The following COLEC10 variants were observed in gnomAD, a reference collection of about 807,000 sequenced individuals.
The protein encoded by COLEC10 is collectin subfamily member 10.
A neutral mutation model predicts 28.4 loss-of-function variants in COLEC10; 22 were observed. That is an observed-to-expected ratio of 0.78 (90% CI 0.55 to 1.11). The LOEUF (loss-of-function observed/expected upper bound fraction) is 1.11, where lower values mean the gene tolerates loss of function less well. Among genes scored for constraint, COLEC10 ranks in the 50% least tolerant of loss-of-function variants. COLEC10 has a pLI of 0.00. For synonymous variants in COLEC10, 125 were observed against 116.1 expected (o/e 1.08, Z -0.49); for missense variants, 361 against 344.1 (o/e 1.05, Z -0.39).
At chr8:119,026,511 A>G (rs1010430312) in intron 2 of COLEC10, among the ~76,000 whole-genome samples, 1 of 152,182 alleles carries the variant, frequency 6.6e-6, no homozygotes, top group Non-Finnish European at 1.5e-5. Context: ...GAGGCTGCAG[A>G]GCAAGATCCT....
At chr8:119,070,613 CT>C (rs1159117027) in intron 1 of COLEC10, among the ~76,000 whole-genome samples, 1 of 144,308 alleles carries the variant, frequency 6.9e-6, no homozygotes, top group Non-Finnish European at 1.5e-5. Context: ...CTTTCTCTCT[CT>C]TTTTTTCTCC....
intron 1 of COLEC10, among the ~76,000 whole-genome samples, chr8:119,084,632 AC>A (rs753523693): frequency 2.0e-5 from 3 of 152,230 alleles, no homozygotes; most frequent in Non-Finnish European, 4.4e-5. Flanking sequence ...TCAAATGCCT[AC>A]AGCCCTTTAA....
At chr8:119,009,546 C>G (rs1177585302) in exon 2 of COLEC10, 1 of 150,922 alleles carries the variant, frequency 6.6e-6, no homozygotes, top group Admixed American at 6.6e-5. Context: ...TTCCCAGCCT[C>G]CAGAGCTGTA....
At chr8:119,071,756 C>G (rs1021571599) in intron 1 of COLEC10, among the ~76,000 whole-genome samples, 18 of 152,200 alleles carry the variant, frequency 1.2e-4, no homozygotes, top group Non-Finnish European at 2.6e-4. Flanking sequence ...CCTAGAAGAG[C>G]TCCCGACACA....
At chr8:119,084,617 C>T (rs982087974) in intron 1 of COLEC10, among the ~76,000 whole-genome samples, 2 of 152,212 alleles carry the variant, frequency 1.3e-5, no homozygotes, top group African/African-American at 4.8e-5. Flanking sequence ...ATCAAGGTGA[C>T]TTTTTCAAAT....
intron 1 of COLEC10, among the ~76,000 whole-genome samples, chr8:119,084,687 G>A (rs771588425): frequency 6.6e-6 from 1 of 152,152 alleles, no homozygotes; most frequent in Non-Finnish European, 1.5e-5. Flanking sequence ...ATAGGAGTTT[G>A]TTCTTACCCT....
chr8:119,007,032 C>G (rs1813811946), intron 1 of COLEC10, among the ~76,000 whole-genome samples: 2 of 152,078 alleles, frequency 1.3e-5, no homozygotes, highest in African/African-American at 4.8e-5. Context: ...CATTCTTCCT[C>G]TAGTTATACC....
chr8:119,097,763 A>G (rs1815749825), intron 3 of COLEC10, among the ~76,000 whole-genome samples: 2 of 152,112 alleles, frequency 1.3e-5, no homozygotes, highest in African/African-American at 4.8e-5. Context: ...GCTATGCTAA[A>G]TGTGATTAAG....
At chr8:119,072,715 G>C (rs1052339858) in intron 1 of COLEC10, among the ~76,000 whole-genome samples, 4 of 152,008 alleles carry the variant, frequency 2.6e-5, no homozygotes, top group African/African-American at 9.7e-5. Context: ...CTTGGTCCCT[G>C]TGGAACTCCA....
At chr8:119,064,308 G>A (rs1311508847), upstream of COLEC10, among the ~76,000 whole-genome samples, 3 of 152,042 alleles carry the variant, frequency 2.0e-5, no homozygotes, top group Non-Finnish European at 2.9e-5. Flanking sequence ...AAAAAGGAGG[G>A]GGGCAGAATA....
chr8:119,095,987 G>A (rs923823848), intron 3 of COLEC10, among the ~76,000 whole-genome samples: 1 of 152,116 alleles, frequency 6.6e-6, no homozygotes. Flanking sequence ...TTTATGCAAA[G>A]TTGACACTAT....
chr8:119,005,879 A>T (rs1259504175), intron 1 of COLEC10, among the ~76,000 whole-genome samples: 1 of 152,074 alleles, frequency 6.6e-6, no homozygotes, highest in Non-Finnish European at 1.5e-5. Context: ...GGGTAGCTCA[A>T]GCATTTTATT....
chr8:119,078,499 TAGAG>T (rs1815300690), intron 1 of COLEC10, among the ~76,000 whole-genome samples: 1 of 152,046 alleles, frequency 6.6e-6, no homozygotes. Flanking sequence ...TGGGGTGCAA[TAGAG>T]AGGTACTTCA....
chr8:119,025,577 T>C (rs10090576), intron 2 of COLEC10, among the ~76,000 whole-genome samples: 97,970 of 152,034 alleles, frequency 0.64, 32,599 homozygotes, highest in African/African-American at 0.81. Flanking sequence ...ATTTTCAGTG[T>C]GGACACCAGG....
At chr8:119,087,074 T>C (rs562629319) in intron 1 of COLEC10, among the ~76,000 whole-genome samples, 13 of 152,340 alleles carry the variant, frequency 8.5e-5, no homozygotes, top group South Asian at 4.1e-4. Flanking sequence ...GATCAAATGA[T>C]AGATTGTATG....
chr8:119,099,997 G>A (rs1053924435), intron 3 of COLEC10, among the ~76,000 whole-genome samples: 1 of 152,044 alleles, frequency 6.6e-6, no homozygotes, highest in Non-Finnish European at 1.5e-5. Context: ...TTCCATCTGT[G>A]TTGAATTAAA....
At chr8:118,952,871 G>A in the COLEC10 span, among the ~76,000 whole-genome samples, 2 of 152,214 alleles carry the variant, frequency 1.3e-5, no homozygotes, top group East Asian at 1.9e-4. Flanking sequence ...GACTTGTAAA[G>A]TGTGGTCCCA....
At chr8:119,050,364 C>T (rs1269438494) in intron 2 of COLEC10, among the ~76,000 whole-genome samples, 2 of 152,158 alleles carry the variant, frequency 1.3e-5, no homozygotes, top group Non-Finnish European at 2.9e-5. Context: ...TTTAAACCCA[C>T]AGCTACCTAT....
intron 1 of COLEC10, among the ~76,000 whole-genome samples, chr8:119,077,631 G>T (rs1815273907): frequency 6.6e-6 from 1 of 152,174 alleles, no homozygotes; most frequent in South Asian, 2.1e-4. Flanking sequence ...TATTGACTCA[G>T]TTTTCTGGTT....
Sources: gnomAD v4.1 joint callset for allele counts (sites outside exome capture counted in the v4.1 genomes callset) on GRCh38, gnomAD v4.1.1 for gene constraint, MANE v1.5 for transcripts, NCBI Gene and HGNC (gene_info 2026-07-23, HGNC 2026-07-21) for gene names.